Variants in KCNMA1 observed in about 807,000 individuals in gnomAD.
The protein encoded by KCNMA1 is potassium calcium-activated channel subfamily M alpha 1.
In KCNMA1, 29 loss-of-function variants were observed where a neutral mutation model predicts 140.0. That is an observed-to-expected ratio of 0.21 (90% confidence interval 0.15 to 0.28). KCNMA1 has a LOEUF of 0.28. KCNMA1 is among the 10% of genes least tolerant of loss of function. KCNMA1 has a pLI of 1.00. For synonymous variants in KCNMA1, 612 were observed against 611.9 expected (o/e 1.00, Z 0.00); for missense variants, 880 against 1,602.2 (o/e 0.55, Z 7.70).
chr10:77,482,595 T>C (rs943284470), intron 1 of KCNMA1, among the ~76,000 whole-genome samples: 3 of 152,110 alleles, frequency 2.0e-5, no homozygotes, highest in African/African-American at 2.4e-5. Context: ...TTGGGACCTT[T>C]TGCCTGCCCC....
chr10:77,043,268 C>T (rs1386971342), intron 14 of KCNMA1, among the ~76,000 whole-genome samples: 2 of 152,198 alleles, frequency 1.3e-5, no homozygotes. Flanking sequence ...ACATCTTTAA[C>T]ACTATTTCCA....
chr10:77,242,034 A>G (rs1480628231), intron 3 of KCNMA1, among the ~76,000 whole-genome samples: 1 of 152,130 alleles, frequency 6.6e-6, no homozygotes, highest in African/African-American at 2.4e-5. Context: ...GTTTGCGAGC[A>G]GCACAAGCTC....
chr10:77,203,755 C>T (rs1254332871), intron 3 of KCNMA1, among the ~76,000 whole-genome samples: 1 of 152,068 alleles, frequency 6.6e-6, no homozygotes, highest in Non-Finnish European at 1.5e-5. Context: ...AGGGAAGTCC[C>T]ATCTCCCAAC....
intron 14 of KCNMA1, among the ~76,000 whole-genome samples, chr10:77,060,999 C>T (rs1158996295): frequency 6.6e-6 from 1 of 152,088 alleles, no homozygotes; most frequent in Non-Finnish European, 1.5e-5. Context: ...CAAGTTTTGG[C>T]CTCCAGAAAA....
intron 2 of KCNMA1, among the ~76,000 whole-genome samples, chr10:77,385,600 C>T (rs986325131): frequency 1.3e-5 from 2 of 152,208 alleles, no homozygotes; most frequent in Non-Finnish European, 2.9e-5. Flanking sequence ...GGATAAGTCA[C>T]ATTCACAAGT....
chr10:76,960,906 A>C (rs1200919622), intron 20 of KCNMA1, among the ~76,000 whole-genome samples: 3 of 151,960 alleles, frequency 2.0e-5, no homozygotes, highest in African/African-American at 7.3e-5. Context: ...ATTTCTTTCA[A>C]GATGTTACTG....
chr10:76,987,168 T>C (rs895799411), intron 19 of KCNMA1, among the ~76,000 whole-genome samples: 9 of 152,152 alleles, frequency 5.9e-5, no homozygotes, highest in African/African-American at 1.4e-4. Context: ...AGTTTACATG[T>C]TAATCAGCCA....
intron 1 of KCNMA1, among the ~76,000 whole-genome samples, chr10:77,585,306 T>C (rs2076974674): frequency 6.6e-6 from 1 of 152,196 alleles, no homozygotes; most frequent in African/African-American, 2.4e-5. Flanking sequence ...TCGCTTAACT[T>C]AAAATGTCTG....
chr10:77,349,293 A>G (rs886321086), intron 2 of KCNMA1, among the ~76,000 whole-genome samples: 1 of 152,096 alleles, frequency 6.6e-6, no homozygotes, highest in Non-Finnish European at 1.5e-5. Context: ...CCATCTATGA[A>G]CCAGACAGCG....
intron 16 of KCNMA1, among the ~76,000 whole-genome samples, chr10:77,022,173 T>C (rs546489980): frequency 6.6e-6 from 1 of 152,298 alleles, no homozygotes; most frequent in African/African-American, 2.4e-5. Context: ...AAGTTTGTTT[T>C]GTTCTACTGA....
intron 14 of KCNMA1, among the ~76,000 whole-genome samples, chr10:77,061,790 T>C (rs775709015): frequency 2.2e-4 from 33 of 152,306 alleles, no homozygotes; most frequent in African/African-American, 7.7e-4. Flanking sequence ...AACAAACTGG[T>C]ACCTGCATAT....
intron 25 of KCNMA1, among the ~76,000 whole-genome samples, chr10:76,909,356 T>C (rs1363877943): frequency 6.6e-6 from 1 of 152,146 alleles, no homozygotes; most frequent in Non-Finnish European, 1.5e-5. Context: ...CTCTGAATCA[T>C]CCTCCCTACA....
chr10:77,354,219 T>C (rs1463084537), intron 2 of KCNMA1, among the ~76,000 whole-genome samples: 1 of 152,210 alleles, frequency 6.6e-6, no homozygotes, highest in East Asian at 1.9e-4. Context: ...GGTCTCGATC[T>C]CTTGACCTCG....
chr10:77,445,824 A>C (rs2154516004), intron 1 of KCNMA1, among the ~76,000 whole-genome samples: 1 of 152,318 alleles, frequency 6.6e-6, no homozygotes, highest in African/African-American at 2.4e-5. Context: ...GGGCCGCTCT[A>C]TCTCTCCTCC....
At chr10:77,237,368 A>C (rs1211281179) in intron 3 of KCNMA1, among the ~76,000 whole-genome samples, 1 of 152,230 alleles carries the variant, frequency 6.6e-6, no homozygotes, top group Non-Finnish European at 1.5e-5. Flanking sequence ...GGACAGCTAC[A>C]AAGTAGTAGA....
At chr10:77,274,680 G>A (rs183471380) in intron 2 of KCNMA1, among the ~76,000 whole-genome samples, 1 of 152,164 alleles carries the variant, frequency 6.6e-6, no homozygotes, top group Non-Finnish European at 1.5e-5. Flanking sequence ...CCACAAAGCC[G>A]GGCTGGCTAA....
At chr10:77,630,504 GC>G (rs1425686501) in intron 1 of KCNMA1, among the ~76,000 whole-genome samples, 1 of 152,102 alleles carries the variant, frequency 6.6e-6, no homozygotes, top group African/African-American at 2.4e-5. Flanking sequence ...TAAGAGCCCA[GC>G]CCGAACCACA....
At chr10:77,538,299 C>T (rs1373552925) in intron 1 of KCNMA1, among the ~76,000 whole-genome samples, 1 of 152,102 alleles carries the variant, frequency 6.6e-6, no homozygotes, top group African/African-American at 2.4e-5. Context: ...GTGCTATACC[C>T]TACACCCTAC....
chr10:77,263,833 T>C (rs1291323331), intron 2 of KCNMA1, among the ~76,000 whole-genome samples: 1 of 152,120 alleles, frequency 6.6e-6, no homozygotes, highest in Admixed American at 6.6e-5. Flanking sequence ...ACCATAACAA[T>C]GGACTGGGCT....
Sources: allele counts gnomAD v4.1 joint callset (sites outside exome capture counted in the v4.1 genomes callset), GRCh38; gene constraint gnomAD v4.1.1; transcripts MANE v1.5; gene names NCBI Gene and HGNC (gene_info 2026-07-23, HGNC 2026-07-21).